The following CSNK2A2IP variants were observed in gnomAD, a reference collection of about 807,000 sequenced individuals.
CSNK2A2IP encodes the protein casein kinase 2 subunit alpha' interacting protein, also known as casein kinase II subunit alpha'-interacting protein.
At chr3:88,465,469 T>A in the CSNK2A2IP span, 1 of 1,231,678 alleles carries the variant, frequency 8.1e-7, no homozygotes, top group Non-Finnish European at 1.0e-6. Context: ...ACTAAATCAA[T>A]TCAATAACCA....
At chr3:88,378,181 A>C in the CSNK2A2IP span, among the ~76,000 whole-genome samples, 76 of 151,996 alleles carry the variant, frequency 5.0e-4, 1 homozygote, top group East Asian at 0.015. Flanking sequence ...ACTTTCCCCC[A>C]CTTTTACCCT....
At chr3:88,424,886 A>T in the CSNK2A2IP span, among the ~76,000 whole-genome samples, 13 of 152,028 alleles carry the variant, frequency 8.6e-5, no homozygotes, top group African/African-American at 3.1e-4. Flanking sequence ...GAAACAAGTT[A>T]TTAATGGATA....
chr3:88,360,230 T>C, the CSNK2A2IP span, among the ~76,000 whole-genome samples: 2 of 151,686 alleles, frequency 1.3e-5, no homozygotes, highest in East Asian at 3.9e-4. Context: ...CGCCTCCAGG[T>C]TCACGCCATT....
chr3:88,436,432 A>T, the CSNK2A2IP span, among the ~76,000 whole-genome samples: 2 of 152,112 alleles, frequency 1.3e-5, no homozygotes, highest in African/African-American at 4.8e-5. Flanking sequence ...TTTGTAAGAA[A>T]TGTCTTTTGA....
the CSNK2A2IP span, among the ~76,000 whole-genome samples, chr3:88,341,336 A>G: frequency 6.6e-6 from 1 of 151,924 alleles, no homozygotes; most frequent in South Asian, 2.1e-4. Flanking sequence ...TAAAGGTAAA[A>G]ATGATTATAA....
the CSNK2A2IP span, among the ~76,000 whole-genome samples, chr3:88,422,261 T>C: frequency 2.0e-5 from 3 of 152,206 alleles, no homozygotes; most frequent in Non-Finnish European, 4.4e-5. Context: ...GTAATATATT[T>C]GATTTGGGTT....
At chr3:88,437,713 C>T in the CSNK2A2IP span, among the ~76,000 whole-genome samples, 16,886 of 152,098 alleles carry the variant, frequency 0.11, 1,065 homozygotes, top group Non-Finnish European at 0.13. Context: ...ACTGATTGTT[C>T]ATCTAGCTCA....
chr3:88,425,744 T>A, the CSNK2A2IP span, among the ~76,000 whole-genome samples: 1 of 152,156 alleles, frequency 6.6e-6, no homozygotes, highest in Admixed American at 6.5e-5. Flanking sequence ...ACAAAAATAT[T>A]GACATATTTT....
the CSNK2A2IP span, among the ~76,000 whole-genome samples, chr3:88,435,844 T>A: frequency 6.6e-6 from 1 of 151,604 alleles, no homozygotes; most frequent in Admixed American, 6.6e-5. Context: ...AACTTATGAT[T>A]AATGAAAGAT....
At chr3:88,386,841 C>T in the CSNK2A2IP span, among the ~76,000 whole-genome samples, 1 of 152,076 alleles carries the variant, frequency 6.6e-6, no homozygotes, top group Non-Finnish European at 1.5e-5. Context: ...AAAAGATGGT[C>T]ATAAGTGAGG....
chr3:88,442,294 T>G, the CSNK2A2IP span, among the ~76,000 whole-genome samples: 1 of 152,164 alleles, frequency 6.6e-6, no homozygotes, highest in Non-Finnish European at 1.5e-5. Context: ...CCTGCCTCAA[T>G]TTCCTTGTGA....
At chr3:88,379,681 G>A in the CSNK2A2IP span, among the ~76,000 whole-genome samples, 1 of 152,022 alleles carries the variant, frequency 6.6e-6, no homozygotes, top group African/African-American at 2.4e-5. Context: ...GAAAACAGGG[G>A]AAAAGGTCAT....
the CSNK2A2IP span, among the ~76,000 whole-genome samples, chr3:88,360,251 A>G: frequency 2.0e-5 from 3 of 150,892 alleles, no homozygotes; most frequent in African/African-American, 7.3e-5. Flanking sequence ...CTCCTGCCTC[A>G]GCCTCCCGAG....
At chr3:88,406,014 A>G in the CSNK2A2IP span, among the ~76,000 whole-genome samples, 8 of 152,222 alleles carry the variant, frequency 5.3e-5, no homozygotes, top group Non-Finnish European at 8.8e-5. Context: ...AATCACTAAG[A>G]TTATCTTCTG....
the CSNK2A2IP span, among the ~76,000 whole-genome samples, chr3:88,419,378 T>G: frequency 6.6e-6 from 1 of 152,164 alleles, no homozygotes; most frequent in Admixed American, 6.5e-5. Flanking sequence ...GTTCCTGCAT[T>G]AATTTACTCA....
the CSNK2A2IP span, among the ~76,000 whole-genome samples, chr3:88,436,557 C>A: frequency 6.6e-6 from 1 of 151,980 alleles, no homozygotes; most frequent in African/African-American, 2.4e-5. Flanking sequence ...CAAACAAAAT[C>A]TAAATTTAAT....
At chr3:88,421,796 C>T in the CSNK2A2IP span, among the ~76,000 whole-genome samples, 161 of 152,272 alleles carry the variant, frequency 1.1e-3, no homozygotes, top group South Asian at 3.9e-3. Context: ...TCCACCAACA[C>T]AGCACAGCTC....
chr3:88,451,190 A>G, the CSNK2A2IP span, among the ~76,000 whole-genome samples: 1 of 152,146 alleles, frequency 6.6e-6, no homozygotes, highest in Non-Finnish European at 1.5e-5. Context: ...AAAGGGGGAA[A>G]TTATGTCATA....
the CSNK2A2IP span, among the ~76,000 whole-genome samples, chr3:88,350,705 C>T: frequency 6.6e-6 from 1 of 151,196 alleles, no homozygotes; most frequent in African/African-American, 2.4e-5. Context: ...CAAATTACAA[C>T]AAATAACCAA....
Sources: gnomAD v4.1 joint callset for allele counts (sites outside exome capture counted in the v4.1 genomes callset) on GRCh38, gnomAD v4.1.1 for gene constraint, MANE v1.5 for transcripts, NCBI Gene and HGNC (gene_info 2026-07-23, HGNC 2026-07-21) for gene names.